The following CA5A variants were observed in gnomAD, a reference collection of about 807,000 sequenced individuals.
The protein encoded by CA5A is carbonic anhydrase 5A, mitochondrial.
In CA5A, 28 loss-of-function variants were observed where a neutral mutation model predicts 37.1. The observed-to-expected ratio is 0.75, with a 90% CI of 0.56 to 1.03. The LOEUF (loss-of-function observed/expected upper bound fraction) is 1.03. CA5A is among the 50% of genes least tolerant of loss of function. The pLI is 0.00. For missense variants in CA5A, 444 were observed against 399.9 expected, an observed-to-expected ratio of 1.11 and a Z score of -0.94; for synonymous variants, 171 against 158.4, an observed-to-expected ratio of 1.08 and a Z score of -0.60.
chr16:87,924,718 G>T (rs1249433570), intron 2 of CA5A, among the ~76,000 whole-genome samples: 1 of 152,272 alleles, frequency 6.6e-6, no homozygotes, highest in Non-Finnish European at 1.5e-5. Flanking sequence ...CATGTTTAGT[G>T]TAAGGAAGGT....
rs1195764332 is a variant in CA5A at position 87,891,878 on chromosome 16, C to G, written c.695G>C (p.Gly232Ala). ...PTCWDYWTYA[G>A]SLTTPPLTES... Reference sequence around the variant, plus strand: ...GGTCAGCGGCGGGGTGGTGAGCGAGCCCGCGTAGGTCCAGTAATCCCAGCA... The same window carrying G: ...GGTCAGCGGCGGGGTGGTGAGCGAGGCCGCGTAGGTCCAGTAATCCCAGCA... Residue 232 changes from glycine (G) to alanine (A), a missense_variant, in exon 6 of 7, where the codon GGC (glycine) becomes GCC (alanine). Transcript: ENST00000649794. 4 of 1,573,180 alleles carry G rather than the reference C, an allele frequency of 2.5e-6. 1 individual carries two copies. The Admixed American group carries it at 7.5e-5, about 29-fold the overall frequency.
chr16:87,908,989 ATT>A (rs60201296), intron 2 of CA5A, among the ~76,000 whole-genome samples: 471 of 139,304 alleles, frequency 3.4e-3, no homozygotes, highest in Middle Eastern at 0.011. Flanking sequence ...ACACCCGGCT[ATT>A]TTTTTTTTTT....
At chr16:87,916,840 C>G (rs7185841) in intron 2 of CA5A, among the ~76,000 whole-genome samples, 2 of 152,016 alleles carry the variant, frequency 1.3e-5, no homozygotes, top group Admixed American at 1.3e-4. Flanking sequence ...TGGTGGCTCA[C>G]GCCTGTAATC....
rs969897563 is a variant in CA5A at position 87,935,586 on chromosome 16, C to T, written c.142+723G>A. ...CCAAGGTCACCAAATACAAGAGAAA[C>T]GGAGTGTGGCCAGGCGCGGTGGCTC... On this transcript the variant is annotated intron_variant, in intron 1 of 6. Coordinates refer to ENST00000649794, the MANE Select transcript of CA5A (RefSeq NM_001739.2). Among the ~76,000 whole-genome samples, 12 of 152,094 alleles carry T rather than the reference C, an allele frequency of 7.9e-5. No homozygotes were observed. The East Asian group carries it at 1.2e-3, about 15-fold the overall frequency.
chr16:87,887,434 G>A (rs2055657355), downstream of CA5A: 1 of 151,680 alleles, frequency 6.6e-6, no homozygotes, highest in African/African-American at 2.4e-5. Flanking sequence ...TTTACTTTGA[G>A]ACAGAGTTTT....
intron 1 of CA5A, among the ~76,000 whole-genome samples, chr16:87,934,659 T>C (rs1371739690): frequency 6.7e-6 from 1 of 150,204 alleles, no homozygotes; most frequent in Non-Finnish European, 1.5e-5. Flanking sequence ...TTGACGGTCG[T>C]ACTAAGAATA....
intron 2 of CA5A, among the ~76,000 whole-genome samples, chr16:87,914,884 G>A (rs907054388): frequency 1.3e-5 from 2 of 152,200 alleles, no homozygotes; most frequent in African/African-American, 4.8e-5. Flanking sequence ...GTGCAGCCAT[G>A]AGCCAGGAAC....
intron 1 of CA5A, among the ~76,000 whole-genome samples, chr16:87,929,926 T>C (rs1462629047): frequency 6.8e-6 from 1 of 146,400 alleles, no homozygotes; most frequent in Non-Finnish European, 1.5e-5. Context: ...CAGTAGAATG[T>C]ACAATACATT....
intron 1 of CA5A, among the ~76,000 whole-genome samples, chr16:87,932,565 A>C (rs1383969150): frequency 6.6e-6 from 1 of 152,204 alleles, no homozygotes; most frequent in African/African-American, 2.4e-5. Flanking sequence ...GTTCTGTGCT[A>C]ATTCCAGTAG....
At chr16:87,924,431 GC>G in intron 2 of CA5A, 1 of 501,744 alleles carries the variant, frequency 2.0e-6, no homozygotes, top group Non-Finnish European at 2.6e-6. Flanking sequence ...CTCACGCCCT[GC>G]CCCCAACAGC....
chr16:87,890,600 T>C (rs914486970), intron 6 of CA5A, among the ~76,000 whole-genome samples: 2 of 152,194 alleles, frequency 1.3e-5, no homozygotes, highest in African/African-American at 4.8e-5. Flanking sequence ...AAAATGATAG[T>C]ATAACTTTTA....
chr16:87,931,952 T>A (rs909522437), intron 1 of CA5A, among the ~76,000 whole-genome samples: 7 of 137,038 alleles, frequency 5.1e-5, no homozygotes, highest in African/African-American at 1.0e-4. Flanking sequence ...CCAAAGAGCC[T>A]CTCTGAGGCT....
chr16:87,893,240 G>T, intron 5 of CA5A: 1 of 413,816 alleles, frequency 2.4e-6, no homozygotes, highest in Non-Finnish European at 4.4e-6. Flanking sequence ...CGATCCTCCT[G>T]CCTCAGCCTC....
At position 87,892,425 on chromosome 16, in the gene CA5A, G is replaced by A. The variant is rs1186587576; in HGVS notation, c.619-471C>T. ...CTCAGGAGGCTGAGGCAGGAGAATC[G>A]CTTGAGCCCAGGAGGCAGAGGTTGC... On this transcript the variant is annotated intron_variant, in intron 5 of 6. Transcript: ENST00000649794. Among the ~76,000 whole-genome samples, 4 of 150,270 alleles carry A rather than the reference G, an allele frequency of 2.7e-5. No homozygotes were observed. In the South Asian group the frequency reaches 6.4e-4, roughly 24 times the overall value.
chr16:87,926,929 C>T lies in CA5A; in HGVS notation c.159G>A (p.Thr53=), dbSNP rs747303463. 12 of 1,583,772 alleles carry T rather than the reference C, an allele frequency of 7.6e-6. No individual in the cohort carries two copies. The highest frequency in any genetic ancestry group is 4.6e-5 in the East Asian group (2 of 43,528). The change falls in exon 2 of 7, where the codon ACG becomes ACA. Residue 53 remains threonine (T), a synonymous_variant. Transcript: ENST00000649794. Reference sequence around the variant, plus strand: ...TGCCCCCTGGCACGGAGACCGGGACCGTCCAGAGTGGGTGCACTGCAGGGA... The same window carrying T: ...TGCCCCCTGGCACGGAGACCGGGACTGTCCAGAGTGGGTGCACTGCAGGGA... ...TSNNTLHPLW[T]VPVSVPGGTR...
At chr16:87,913,668 C>CG (rs1567527471) in intron 2 of CA5A, among the ~76,000 whole-genome samples, 1 of 145,018 alleles carries the variant, frequency 6.9e-6, no homozygotes, top group African/African-American at 2.7e-5. Flanking sequence ...CCCCTCCTCT[C>CG]CAATACGAAG....
intron 5 of CA5A, among the ~76,000 whole-genome samples, chr16:87,901,488 T>C (rs1370184624): frequency 6.6e-6 from 1 of 152,246 alleles, no homozygotes; most frequent in African/African-American, 2.4e-5. Flanking sequence ...CCACAGCCCC[T>C]TGGCGGGGCT....
intron 5 of CA5A, among the ~76,000 whole-genome samples, chr16:87,896,268 C>G (rs1176136568): frequency 6.6e-6 from 1 of 152,190 alleles, no homozygotes; most frequent in African/African-American, 2.4e-5. Flanking sequence ...AGGGGAGTGG[C>G]AGGCTCCAGC....
Position 87,894,008 on chromosome 16 carries a change from C to T in CA5A, c.619-2054G>A, listed in dbSNP as rs1597544738. Reference sequence around the variant, plus strand: ...TCCTGGGCTCAAGCGATCCTCCTGCCTTGGCTTCTCAAAATATTGGGATTA... The same window carrying T: ...TCCTGGGCTCAAGCGATCCTCCTGCTTTGGCTTCTCAAAATATTGGGATTA... On this transcript the variant is annotated intron_variant, in intron 5 of 6. Transcript: ENST00000649794. Among the ~76,000 whole-genome samples, 4 of 152,356 alleles carry T rather than the reference C, an allele frequency of 2.6e-5. No individual in the cohort carries two copies. The Middle Eastern group carries it at 0.01, about 389-fold the overall frequency.
Sources: allele counts gnomAD v4.1 joint callset (sites outside exome capture counted in the v4.1 genomes callset), GRCh38; gene constraint gnomAD v4.1.1; transcripts MANE v1.5; gene names NCBI Gene and HGNC (gene_info 2026-07-23, HGNC 2026-07-21).